Variants in GABRG3 observed in about 807,000 individuals in gnomAD.
GABRG3 encodes gamma-aminobutyric acid type A receptor subunit gamma3.
In GABRG3, 25 loss-of-function variants were observed where a neutral mutation model predicts 48.8. The ratio of observed to expected loss-of-function variants is 0.51; its 90% CI spans 0.37 to 0.72. The LOEUF is 0.72. GABRG3 is among the 30% of genes least tolerant of loss of function. The pLI is 0.00. For missense variants in GABRG3, 394 were observed against 577.9 expected (o/e 0.68, Z 3.26); for synonymous variants, 227 against 217.6 (o/e 1.04, Z -0.38).
intron 5 of GABRG3, among the ~76,000 whole-genome samples, chr15:27,423,721 C>CTTT (rs542775399): frequency 0.019 from 1,535 of 81,790 alleles, 110 homozygotes; most frequent in Non-Finnish European, 0.024. Flanking sequence ...TTTTCTTTTC[C>CTTT]TTTTTTTTTT....
chr15:27,082,997 A>G (rs914309798), intron 3 of GABRG3, among the ~76,000 whole-genome samples: 4 of 152,242 alleles, frequency 2.6e-5, no homozygotes, highest in Admixed American at 6.5e-5. Flanking sequence ...CTTGTGCTTT[A>G]TAAAGGCTGT....
At chr15:27,088,629 A>C (rs1897129373) in intron 3 of GABRG3, among the ~76,000 whole-genome samples, 2 of 152,126 alleles carry the variant, frequency 1.3e-5, no homozygotes, top group Non-Finnish European at 2.9e-5. Flanking sequence ...TCCTGGTGGA[A>C]GGCGAGGGGG....
At chr15:27,141,930 A>G (rs907702768) in intron 3 of GABRG3, among the ~76,000 whole-genome samples, 3 of 152,084 alleles carry the variant, frequency 2.0e-5, no homozygotes, top group African/African-American at 7.2e-5. Flanking sequence ...TTCTGTCTTC[A>G]TGTATTTTAA....
At chr15:27,386,109 C>T (rs1895912399) in intron 5 of GABRG3, among the ~76,000 whole-genome samples, 2 of 152,018 alleles carry the variant, frequency 1.3e-5, no homozygotes, top group Non-Finnish European at 2.9e-5. Flanking sequence ...CCTCTGATGT[C>T]GTCTTCTCTC....
chr15:26,984,353 G>C (rs1238454970), intron 2 of GABRG3, among the ~76,000 whole-genome samples: 6 of 152,070 alleles, frequency 3.9e-5, no homozygotes, highest in African/African-American at 1.4e-4. Context: ...GTGCATCACT[G>C]TTATTTTTAA....
intron 3 of GABRG3, among the ~76,000 whole-genome samples, chr15:27,264,481 C>A (rs1890858968): frequency 6.6e-6 from 1 of 151,980 alleles, no homozygotes; most frequent in Non-Finnish European, 1.5e-5. Context: ...TCCTCAAAAC[C>A]TATAGTCTAC....
rs1176336598 is a variant in GABRG3, at chr15:27,541,791, T to C, written c.*8910T>C. 1.3e-5 allele frequency: 2 copies of C among 152,160 alleles called. No individual in the cohort carries two copies. The highest frequency in any genetic ancestry group is 4.8e-5 in the African/African-American group (2 of 41,438). The allele number at this position is 152,160 out of a possible 1,614,324, so 9.4% of individuals were successfully genotyped here. A position where few individuals can be genotyped will look rare whatever the true frequency, so the allele number is the denominator to read the frequency against. On this transcript the variant is annotated 3_prime_UTR_variant, in exon 10 of 10. Transcript: ENST00000615808. ...GGCTCCCCGCTATCCGTGCGGCTCG[T>C]GGTGTCCTAGTGAAATGAGGGCGCA...
At chr15:27,307,573 A>G (rs1439327552) in intron 3 of GABRG3, among the ~76,000 whole-genome samples, 1 of 85,278 alleles carries the variant, frequency 1.2e-5, no homozygotes, top group African/African-American at 4.1e-5. Flanking sequence ...ATATTTATAT[A>G]TAAACAGGTT....
At chr15:27,362,751 A>G (rs1029202346) in intron 5 of GABRG3, 1 of 152,190 alleles carries the variant, frequency 6.6e-6, no homozygotes, top group Non-Finnish European at 1.5e-5. Context: ...GTTCAGGTTT[A>G]AGTTATTCTC....
chr15:27,244,368 G>C (rs1435623583), intron 3 of GABRG3, among the ~76,000 whole-genome samples: 2 of 152,170 alleles, frequency 1.3e-5, no homozygotes. Context: ...AGGCAACAGA[G>C]CCTTGCCTGG....
At chr15:27,084,234 C>A (rs1897039081) in intron 3 of GABRG3, among the ~76,000 whole-genome samples, 1 of 152,236 alleles carries the variant, frequency 6.6e-6, no homozygotes, top group South Asian at 2.1e-4. Flanking sequence ...TTGGGATTAT[C>A]CCACGTGCCT....
chr15:27,195,920 C>T (rs1888483011), intron 3 of GABRG3, among the ~76,000 whole-genome samples: 1 of 137,588 alleles, frequency 7.3e-6, no homozygotes, highest in South Asian at 2.4e-4. Flanking sequence ...CAGCCATCAG[C>T]CACCGCACCC....
rs978644712 is a variant in GABRG3 at position 27,309,837 on chromosome 15, A to T, written c.271-16972A>T. Among the ~76,000 whole-genome samples, 11 of 152,060 alleles carry T rather than the reference A, an allele frequency of 7.2e-5. 1 individual carries two copies. The highest frequency in any genetic ancestry group is 4.1e-4 in the South Asian group (2 of 4,836). On this transcript the variant is annotated intron_variant, in intron 3 of 9. Transcript: ENST00000615808. ...GATATTCAGCCTAGAGAGATGAAAA[A>T]TTTATTTCCACATAAAAACCTGTAC...
intron 3 of GABRG3, among the ~76,000 whole-genome samples, chr15:27,307,766 A>G (rs1892692839): frequency 8.1e-6 from 1 of 123,604 alleles, no homozygotes; most frequent in East Asian, 2.4e-4. Context: ...CATATAAAAT[A>G]AACATATGTT....
At chr15:27,039,372 A>G (rs763364249) in intron 3 of GABRG3, among the ~76,000 whole-genome samples, 21 of 152,190 alleles carry the variant, frequency 1.4e-4, no homozygotes, top group Non-Finnish European at 2.1e-4. Context: ...CTACAGGAAC[A>G]CTGGGCTTCC....
chr15:27,482,674 T>C (rs1890128989), intron 6 of GABRG3, among the ~76,000 whole-genome samples: 1 of 152,220 alleles, frequency 6.6e-6, no homozygotes, highest in Non-Finnish European at 1.5e-5. Flanking sequence ...CAACACTGTC[T>C]ACTTGGTTCT....
intron 7 of GABRG3, among the ~76,000 whole-genome samples, chr15:27,523,328 C>T (rs1339792801): frequency 2.0e-5 from 3 of 151,598 alleles, no homozygotes; most frequent in Non-Finnish European, 4.4e-5. Context: ...CAATGAATAG[C>T]ATCTTTCTCC....
intron 3 of GABRG3, among the ~76,000 whole-genome samples, chr15:27,265,203 A>C (rs10152293): frequency 0.12 from 18,124 of 152,036 alleles, 1,859 homozygotes; most frequent in African/African-American, 0.27. Context: ...ACCAATACAA[A>C]CCTATCCTTA....
intron 3 of GABRG3, among the ~76,000 whole-genome samples, chr15:27,136,830 C>T: frequency 6.6e-6 from 1 of 152,116 alleles, no homozygotes; most frequent in East Asian, 1.9e-4. Context: ...AGGGAGCCCA[C>T]CCTCCCCACC....
Sources: gnomAD v4.1 joint callset for allele counts (sites outside exome capture counted in the v4.1 genomes callset) on GRCh38, gnomAD v4.1.1 for gene constraint, MANE v1.5 for transcripts, NCBI Gene and HGNC (gene_info 2026-07-23, HGNC 2026-07-21) for gene names.